The following NRXN3 variants were observed in gnomAD, a reference collection of about 807,000 sequenced individuals.
The protein encoded by NRXN3 is neurexin III.
In NRXN3, 32 loss-of-function variants were observed where a neutral mutation model predicts 137.6. That is an observed-to-expected ratio of 0.23 (90% confidence interval 0.18 to 0.31). NRXN3 has a LOEUF of 0.31. NRXN3 is among the 10% of genes least tolerant of loss of function. The pLI, the probability that NRXN3 is intolerant of heterozygous loss-of-function variation, is 1.00. For synonymous variants in NRXN3, 798 were observed against 784.5 expected (o/e 1.02, Z -0.29); for missense variants, 1,574 against 2,062.5 (o/e 0.76, Z 4.59).
intron 15 of NRXN3, among the ~76,000 whole-genome samples, chr14:79,351,772 G>A (rs1423939349): frequency 2.6e-5 from 4 of 152,152 alleles, no homozygotes; most frequent in African/African-American, 9.7e-5. Flanking sequence ...CACCCATCAT[G>A]ACTTCTTTTA....
intron 17 of NRXN3, among the ~76,000 whole-genome samples, chr14:79,690,654 TG>T (rs950307107): frequency 2.6e-4 from 40 of 152,206 alleles, no homozygotes; most frequent in African/African-American, 9.6e-4. Flanking sequence ...TAGAATAATT[TG>T]TCTGTATGAG....
chr14:79,100,480 GA>G (rs1355488640), intron 15 of NRXN3, among the ~76,000 whole-genome samples: 1 of 152,214 alleles, frequency 6.6e-6, no homozygotes, highest in African/African-American at 2.4e-5. Context: ...CCAGGTGATT[GA>G]TACTAAAACA....
chr14:79,548,259 A>C (rs778859498), intron 16 of NRXN3, among the ~76,000 whole-genome samples: 9 of 151,216 alleles, frequency 6.0e-5, no homozygotes, highest in African/African-American at 9.7e-5. Flanking sequence ...TCGTTGTTCA[A>C]CTCCCACTTA....
chr14:79,301,754 C>CGT (rs1566728285), intron 15 of NRXN3, among the ~76,000 whole-genome samples: 1 of 151,346 alleles, frequency 6.6e-6, no homozygotes, highest in African/African-American at 2.4e-5. Context: ...TGTGCGCGCG[C>CGT]GTGCATATAT....
chr14:79,602,649 A>G (rs2097939952), intron 16 of NRXN3, among the ~76,000 whole-genome samples: 1 of 152,208 alleles, frequency 6.6e-6, no homozygotes, highest in Non-Finnish European at 1.5e-5. Context: ...AGCAAAAGAC[A>G]AAACTGACAT....
intron 1 of NRXN3, among the ~76,000 whole-genome samples, chr14:78,202,677 C>T (rs2061786853): frequency 6.6e-6 from 1 of 152,180 alleles, no homozygotes; most frequent in Non-Finnish European, 1.5e-5. Flanking sequence ...CTCACTGACA[C>T]CCTGCGAGGG....
intron 4 of NRXN3, among the ~76,000 whole-genome samples, chr14:78,556,401 C>A (rs1203289021): frequency 6.6e-6 from 1 of 152,202 alleles, no homozygotes; most frequent in African/African-American, 2.4e-5. Context: ...TCAAGCACTG[C>A]ATTTTACTGA....
At chr14:78,897,279 A>G (rs2099179814) in intron 10 of NRXN3, among the ~76,000 whole-genome samples, 1 of 151,948 alleles carries the variant, frequency 6.6e-6, no homozygotes. Flanking sequence ...CTTGCATGTC[A>G]CAAATATTTG....
chr14:79,042,285 T>A (rs903166017), intron 15 of NRXN3, among the ~76,000 whole-genome samples: 2 of 152,196 alleles, frequency 1.3e-5, no homozygotes, highest in Non-Finnish European at 2.9e-5. Context: ...TGGCTTTTTC[T>A]CCATTAAGCA....
intron 6 of NRXN3, among the ~76,000 whole-genome samples, chr14:78,686,845 T>C (rs958762371): frequency 5.3e-5 from 8 of 152,158 alleles, no homozygotes; most frequent in African/African-American, 1.9e-4. Flanking sequence ...GCTCACTGAA[T>C]GTGACTTTCT....
At chr14:78,706,322 T>C (rs2098348602) in intron 6 of NRXN3, among the ~76,000 whole-genome samples, 1 of 152,254 alleles carries the variant, frequency 6.6e-6, no homozygotes, top group Non-Finnish European at 1.5e-5. Context: ...ATTTCTTTTC[T>C]GGTTTACTCA....
chr14:78,404,295 T>A (rs2092336563), intron 4 of NRXN3, among the ~76,000 whole-genome samples: 1 of 150,956 alleles, frequency 6.6e-6, no homozygotes, highest in Non-Finnish European at 1.5e-5. Flanking sequence ...CAGAAGTCAA[T>A]AAGCAGCCAG....
chr14:78,705,097 G>A (rs2098332425), intron 6 of NRXN3, among the ~76,000 whole-genome samples: 2 of 152,216 alleles, frequency 1.3e-5, no homozygotes. Context: ...TTGTGACTCT[G>A]CTTCTGTACC....
At chr14:79,422,770 G>T (rs910725794) in intron 15 of NRXN3, among the ~76,000 whole-genome samples, 8 of 149,862 alleles carry the variant, frequency 5.3e-5, no homozygotes, top group Admixed American at 2.7e-4. Context: ...CACAATCTCG[G>T]CTCACTGCAA....
chr14:78,796,394 G>A (rs780670602), intron 8 of NRXN3, among the ~76,000 whole-genome samples: 18 of 152,216 alleles, frequency 1.2e-4, no homozygotes, highest in Non-Finnish European at 2.6e-4. Context: ...TAGATGCAGA[G>A]TGTCACAATA....
intron 16 of NRXN3, among the ~76,000 whole-genome samples, chr14:79,663,418 GTCC>G (rs2098543994): frequency 6.6e-6 from 1 of 152,034 alleles, no homozygotes. Context: ...ATGATTTAAG[GTCC>G]AGTGTCTTGG....
chr14:79,857,517 T>C lies in NRXN3; in HGVS notation c.4094-3825T>C, dbSNP rs545034408. ...GATTACAGGCGTGAGCCACCGTGCC[T>C]GGCCAAACTAAGTTATTTCTATTAA... On this transcript the variant is annotated intron_variant, in intron 20 of 20. Coordinates refer to ENST00000335750, the MANE Select transcript of NRXN3 (RefSeq NM_001330195.2). Among the ~76,000 whole-genome samples, 21 of 152,252 alleles carry C rather than the reference T, an allele frequency of 1.4e-4. No individual in the cohort carries two copies. In the South Asian group the frequency reaches 1.7e-3, roughly 12 times the overall value.
At chr14:78,331,295 A>G (rs974233403) in intron 4 of NRXN3, among the ~76,000 whole-genome samples, 1 of 152,162 alleles carries the variant, frequency 6.6e-6, no homozygotes, top group Admixed American at 6.5e-5. Flanking sequence ...TTTTTCTATC[A>G]TACCCTTCTC....
At chr14:79,348,425 G>C (rs1246164103) in intron 15 of NRXN3, among the ~76,000 whole-genome samples, 2 of 147,150 alleles carry the variant, frequency 1.4e-5, no homozygotes, top group African/African-American at 5.0e-5. Context: ...GCCCAGGCTG[G>C]AGTGCAGTGG....
Sources: allele counts gnomAD v4.1 joint callset (sites outside exome capture counted in the v4.1 genomes callset), GRCh38; gene constraint gnomAD v4.1.1; transcripts MANE v1.5; gene names NCBI Gene and HGNC (gene_info 2026-07-23, HGNC 2026-07-21).